Variants in FBN2 observed in about 807,000 individuals in gnomAD.
The protein encoded by FBN2 is fibrillin 2.
In FBN2, 105 loss-of-function variants were observed where a neutral mutation model predicts 355.6. That is an observed-to-expected ratio of 0.30 (90% CI 0.25 to 0.35). The LOEUF is 0.35. Among genes scored for constraint, FBN2 ranks in the 10% least tolerant of loss-of-function variants. The pLI, the probability that FBN2 is intolerant of heterozygous loss-of-function variation, is 1.00. For synonymous variants in FBN2, 1,350 were observed against 1,301.2 expected (o/e 1.04, Z -0.81); for missense variants, 3,280 against 3,758.7 (o/e 0.87, Z 3.33).
intron 5 of FBN2, among the ~76,000 whole-genome samples, chr5:128,493,751 T>C (rs559610541): frequency 1.3e-5 from 2 of 152,274 alleles, no homozygotes; most frequent in South Asian, 2.1e-4. Flanking sequence ...AAAAAAGACC[T>C]CAACTAGGGC....
At chr5:128,481,926 G>C (rs1227549102) in intron 5 of FBN2, among the ~76,000 whole-genome samples, 1 of 152,194 alleles carries the variant, frequency 6.6e-6, no homozygotes, top group Middle Eastern at 3.4e-3. Flanking sequence ...TTCATATAGA[G>C]ACAGAAAATA....
At chr5:128,368,201 C>A (rs988820570) in intron 16 of FBN2, among the ~76,000 whole-genome samples, 1 of 151,892 alleles carries the variant, frequency 6.6e-6, no homozygotes, top group Non-Finnish European at 1.5e-5. Flanking sequence ...CTACTGTTAA[C>A]TTTAAGGAAA....
Position 128,379,875 on chromosome 5 carries a change from A to G in FBN2, c.1604-985T>C, listed in dbSNP as rs528005641. ...GCCATTAACATATACCATTTCAGCTAAATTGGAGAACATAACAATAAAATC... is the reference window on the plus strand; with the variant it reads ...GCCATTAACATATACCATTTCAGCTGAATTGGAGAACATAACAATAAAATC... On this transcript the variant is annotated intron_variant, in intron 11 of 64. Coordinates refer to ENST00000262464, the MANE Select transcript of FBN2 (RefSeq NM_001999.4). Among the ~76,000 whole-genome samples the G allele has an allele frequency of 5.3e-5, 8 of 152,260 alleles. No individual in the cohort carries two copies. In the South Asian group the frequency reaches 1.7e-3, roughly 32 times the overall value.
At chr5:128,453,995 C>CT (rs1277228629) in intron 6 of FBN2, among the ~76,000 whole-genome samples, 2 of 151,052 alleles carry the variant, frequency 1.3e-5, no homozygotes, top group Admixed American at 1.3e-4. Context: ...GGCTTGCCCC[C>CT]CCCCCAAGTT....
intron 50 of FBN2, 48 bp from the exon 51 acceptor site, chr5:128,289,995 C>A: frequency 1.8e-6 from 2 of 1,085,072 alleles, no homozygotes; most frequent in Non-Finnish European, 2.9e-6. Flanking sequence ...TTGAAATTAT[C>A]AAAGAACTTA....
intron 5 of FBN2, among the ~76,000 whole-genome samples, chr5:128,466,353 A>G (rs1754709771): frequency 6.6e-6 from 1 of 152,232 alleles, no homozygotes; most frequent in African/African-American, 2.4e-5. Flanking sequence ...CTCCAAGGGG[A>G]AAGCTACACA....
chr5:128,530,439 T>C (rs1475612770), intron 3 of FBN2, among the ~76,000 whole-genome samples, 156 bp downstream of exon 3: 1 of 152,242 alleles, frequency 6.6e-6, no homozygotes, highest in Non-Finnish European at 1.5e-5. Flanking sequence ...ACTTTGCTAT[T>C]CTGTAAAATG....
intron 62 of FBN2, among the ~76,000 whole-genome samples, chr5:128,266,604 C>A (rs1765118494): frequency 6.6e-6 from 1 of 152,080 alleles, no homozygotes; most frequent in African/African-American, 2.4e-5. Flanking sequence ...GCTAGGTGTT[C>A]AGAAACAAAA....
chr5:128,284,857 A>C (rs769978878), intron 55 of FBN2, among the ~76,000 whole-genome samples: 1 of 152,204 alleles, frequency 6.6e-6, no homozygotes, highest in Non-Finnish European at 1.5e-5. Context: ...TTCACACTGC[A>C]GTGTAGAAAT....
intron 8 of FBN2, among the ~76,000 whole-genome samples, chr5:128,406,168 C>T (rs571119769): frequency 1.1e-4 from 17 of 152,146 alleles, no homozygotes; most frequent in Non-Finnish European, 2.5e-4. Context: ...GCGGGGGATA[C>T]GTTTTAAGAT....
chr5:128,526,792 C>A (rs1253019182), intron 4 of FBN2, among the ~76,000 whole-genome samples: 2 of 152,012 alleles, frequency 1.3e-5, no homozygotes, highest in African/African-American at 4.8e-5. Flanking sequence ...GAAAAGAATT[C>A]TGGAGATGGA....
chr5:128,360,913 G>A (rs1751623456), intron 19 of FBN2, among the ~76,000 whole-genome samples: 1 of 152,084 alleles, frequency 6.6e-6, no homozygotes. Flanking sequence ...AGTAGTAATT[G>A]GATTTGAGAA....
At chr5:128,437,500 C>G (rs1753798617) in intron 7 of FBN2, among the ~76,000 whole-genome samples, 5 of 151,974 alleles carry the variant, frequency 3.3e-5, no homozygotes, top group Admixed American at 3.3e-4. Context: ...ATGTGAGATT[C>G]CTATACAAAG....
chr5:128,271,590 G>C (rs370422493), intron 62 of FBN2, among the ~76,000 whole-genome samples: 1 of 152,252 alleles, frequency 6.6e-6, no homozygotes, highest in South Asian at 2.1e-4. Context: ...AGCACACATG[G>C]ACTGTCCTCA....
chr5:128,488,731 A>T (rs890406001), intron 5 of FBN2, among the ~76,000 whole-genome samples: 1 of 144,388 alleles, frequency 6.9e-6, no homozygotes, highest in Non-Finnish European at 1.5e-5. Flanking sequence ...ATTCCCATCT[A>T]TGAGTGAGAA....
Position 128,289,180 on chromosome 5 carries a change from C to A in FBN2, c.6584G>T (p.Arg2195Leu), listed in dbSNP as rs144887443. The A allele has an allele frequency of 1.9e-6, 3 of 1,614,004 alleles. No homozygotes were observed. Among genetic ancestry groups the A allele is most frequent in the Non-Finnish European group, 2.5e-6 (3 of 1,179,894 alleles). The change falls in exon 52 of 65, where the codon CGC becomes CTC. Residue 2195 changes from arginine (R) to leucine (L), a missense_variant. Coordinates refer to ENST00000262464, the MANE Select transcript of FBN2 (RefSeq NM_001999.4). ...GTTGTAGCCCATTGGACATTCACAG[C>A]GAAAAGATCCGTCGGTGTTGATACA... ...GQCINTDGSFRCECPMGYNLD... is the reference protein window; with the variant it reads ...GQCINTDGSFLCECPMGYNLD...
At chr5:128,511,293 C>A (rs1244780563) in intron 5 of FBN2, among the ~76,000 whole-genome samples, 1 of 152,190 alleles carries the variant, frequency 6.6e-6, no homozygotes, top group Non-Finnish European at 1.5e-5. Flanking sequence ...AGCTCCTCTA[C>A]TCAGTGCCTA....
intron 8 of FBN2, among the ~76,000 whole-genome samples, chr5:128,402,390 G>C (rs963552554): frequency 6.6e-6 from 1 of 151,970 alleles, no homozygotes; most frequent in South Asian, 2.1e-4. Context: ...TACATTTCCT[G>C]AACAAGGCTT....
At chr5:128,442,249 T>C (rs1753942228) in intron 7 of FBN2, 4 of 450,882 alleles carry the variant, frequency 8.9e-6, no homozygotes, top group African/African-American at 2.0e-5. Flanking sequence ...AATGATGTTC[T>C]TTTTCTGCCT....
Sources: gnomAD v4.1 joint callset for allele counts (sites outside exome capture counted in the v4.1 genomes callset) on GRCh38, gnomAD v4.1.1 for gene constraint, MANE v1.5 for transcripts, NCBI Gene and HGNC (gene_info 2026-07-23, HGNC 2026-07-21) for gene names.